DLC1: variants seen among roughly 807,000 people sequenced by gnomAD.
The protein encoded by DLC1 is DLC1 Rho GTPase activating protein.
A neutral mutation model predicts 140.3 loss-of-function variants in DLC1; 54 were observed. The observed-to-expected ratio is 0.38, with a 90% CI of 0.31 to 0.48. The LOEUF is 0.48. DLC1 is among the 20% of genes least tolerant of loss of function. The pLI is 0.96. For missense variants in DLC1, 2,536 were observed against 1,907.0 expected, an observed-to-expected ratio of 1.33 and a Z score of -6.14; for synonymous variants, 986 against 728.1, an observed-to-expected ratio of 1.35 and a Z score of -5.70.
chr8:13,327,119 T>C (rs1424613092), intron 4 of DLC1, among the ~76,000 whole-genome samples: 1 of 73,980 alleles, frequency 1.4e-5, no homozygotes, highest in African/African-American at 5.5e-5. Flanking sequence ...CACACCCGGC[T>C]ATTTTTTTTT....
At chr8:13,091,635 G>C (rs990845081) in intron 13 of DLC1, among the ~76,000 whole-genome samples, 1 of 152,128 alleles carries the variant, frequency 6.6e-6, no homozygotes, top group African/African-American at 2.4e-5. Context: ...ACATTAAAGA[G>C]ATATGCTTTT....
At chr8:13,255,908 T>G (rs899361265) in intron 5 of DLC1, among the ~76,000 whole-genome samples, 1 of 152,204 alleles carries the variant, frequency 6.6e-6, no homozygotes, top group Non-Finnish European at 1.5e-5. Context: ...TGTACCAGTC[T>G]TGAAAGCAGG....
chr8:13,493,783 A>G (rs922408562), intron 2 of DLC1, among the ~76,000 whole-genome samples: 1 of 152,098 alleles, frequency 6.6e-6, no homozygotes, highest in Non-Finnish European at 1.5e-5. Flanking sequence ...TGCACAATTT[A>G]CTATCTTCTT....
chr8:13,466,565 C>T (rs1044467466), intron 2 of DLC1, among the ~76,000 whole-genome samples: 18 of 152,164 alleles, frequency 1.2e-4, no homozygotes, highest in African/African-American at 4.3e-4. Context: ...TACTTAGATA[C>T]TAGGCCGTCT....
chr8:13,327,545 C>G (rs538099605), intron 4 of DLC1, among the ~76,000 whole-genome samples: 1 of 150,826 alleles, frequency 6.6e-6, no homozygotes, highest in South Asian at 2.1e-4. Context: ...GTCTTGAACT[C>G]CTGGGTTCAA....
At chr8:13,188,843 A>ATTTTTT (rs869162448) in intron 5 of DLC1, among the ~76,000 whole-genome samples, 7 of 30,660 alleles carry the variant, frequency 2.3e-4, no homozygotes, top group East Asian at 4.1e-3. Context: ...ATATATATAT[A>ATTTTTT]TTTTTTTTTT....
At chr8:13,506,504 G>A (rs1036574911) in intron 1 of DLC1, among the ~76,000 whole-genome samples, 7 of 148,196 alleles carry the variant, frequency 4.7e-5, no homozygotes, top group African/African-American at 7.5e-5. Context: ...TTTCTAGGTC[G>A]TGTTCTCCAC....
chr8:13,377,963 A>T (rs1424089178), intron 4 of DLC1, among the ~76,000 whole-genome samples: 2 of 151,602 alleles, frequency 1.3e-5, no homozygotes, highest in East Asian at 3.9e-4. Flanking sequence ...GTTTTTATCA[A>T]AGAATAAAAA....
In DLC1 at chr8:13,529,205, G is replaced by GA. The variant is rs370938694; in HGVS notation, c.-125-29010dup. ...TGCTGTTCAAATGCTGATTAGAAAA[G>GA]AAAAAAAACAGAACAATTAAATACA... is the stretch of plus-strand genomic sequence containing the variant. On this transcript the variant is annotated intron_variant, in intron 1 of 1. Coordinates refer to the DLC1 transcript ENST00000631382. Among the ~76,000 whole-genome samples the GA allele has an allele frequency of 2.9e-3, 439 of 151,690 alleles. 6 individuals carry two copies. The highest frequency in any genetic ancestry group is 8.2e-3 in the African/African-American group (338 of 41,400).
chr8:13,405,749 A>G (rs190177515), intron 2 of DLC1, among the ~76,000 whole-genome samples: 228 of 152,104 alleles, frequency 1.5e-3, no homozygotes, highest in Non-Finnish European at 2.8e-3. Context: ...TTACTACAAC[A>G]TTAATTGCAA....
chr8:13,170,893 T>A (rs1585832402), intron 5 of DLC1, among the ~76,000 whole-genome samples: 1 of 152,270 alleles, frequency 6.6e-6, no homozygotes, highest in African/African-American at 2.4e-5. Flanking sequence ...ACCTGGGTAG[T>A]TAGCCTAAAG....
intron 9 of DLC1, 118 bp from the exon 10 acceptor site, chr8:13,098,693 G>A (rs1818718701): frequency 8.8e-7 from 1 of 1,133,890 alleles, no homozygotes; most frequent in African/African-American, 1.6e-5. Flanking sequence ...ACAGCTCACT[G>A]CAGCCTTGAA....
chr8:13,096,365 C>T (rs1003084551), intron 10 of DLC1, among the ~76,000 whole-genome samples: 2 of 152,088 alleles, frequency 1.3e-5, no homozygotes, highest in Admixed American at 1.3e-4. Context: ...AGAGGAACTC[C>T]AGAGAAGACA....
chr8:13,588,357 A>G (rs550522538), intron 1 of DLC1, among the ~76,000 whole-genome samples: 1 of 152,156 alleles, frequency 6.6e-6, no homozygotes. Flanking sequence ...AATGAGGAGG[A>G]AGTCATTATT....
intron 5 of DLC1, among the ~76,000 whole-genome samples, chr8:13,124,482 G>C (rs1293455386): frequency 1.3e-5 from 2 of 152,170 alleles, no homozygotes; most frequent in African/African-American, 2.4e-5. Context: ...GGATCAGATG[G>C]AAGCACCTTC....
chr8:13,519,661 C>T (rs548849664), upstream of DLC1, among the ~76,000 whole-genome samples: 1 of 152,202 alleles, frequency 6.6e-6, no homozygotes, highest in Middle Eastern at 3.4e-3. Context: ...ATCATATAAG[C>T]TCTCCAAAAC....
At chr8:13,531,880 T>A (rs1803110741) in intron 1 of DLC1, among the ~76,000 whole-genome samples, 2 of 152,084 alleles carry the variant, frequency 1.3e-5, no homozygotes, top group Admixed American at 1.3e-4. Flanking sequence ...AAGGAAAAAA[T>A]AAACCCCCTA....
chr8:13,162,967 C>G (rs1441863097), intron 5 of DLC1, among the ~76,000 whole-genome samples: 1 of 152,132 alleles, frequency 6.6e-6, no homozygotes, highest in African/African-American at 2.4e-5. Context: ...ACATACTTAT[C>G]AAATTGACTG....
At chr8:13,425,314 G>A (rs1206052055) in intron 2 of DLC1, among the ~76,000 whole-genome samples, 3 of 152,166 alleles carry the variant, frequency 2.0e-5, no homozygotes, top group Non-Finnish European at 4.4e-5. Flanking sequence ...AGGGTTAGTT[G>A]CATATCAATA....
Sources: allele counts gnomAD v4.1 joint callset (sites outside exome capture counted in the v4.1 genomes callset), GRCh38; gene constraint gnomAD v4.1.1; transcripts MANE v1.5; gene names NCBI Gene and HGNC (gene_info 2026-07-23, HGNC 2026-07-21).